The following PTCD3 variants were observed in gnomAD, a reference collection of about 807,000 sequenced individuals.
The protein encoded by PTCD3 is pentatricopeptide repeat domain 3.
Under a neutral mutation model 101.9 loss-of-function variants are expected in PTCD3, and 89 were observed. The ratio of observed to expected loss-of-function variants is 0.87; its 90% CI spans 0.74 to 1.04. The LOEUF (loss-of-function observed/expected upper bound fraction) is 1.04, where lower values mean the gene tolerates loss of function less well. PTCD3 is among the 50% of genes least tolerant of loss of function. The pLI is 0.00. For missense variants in PTCD3, 870 were observed against 828.2 expected, an observed-to-expected ratio of 1.05 and a Z score of -0.62; for synonymous variants, 296 against 278.5, an observed-to-expected ratio of 1.06 and a Z score of -0.63.
intron 14 of PTCD3, among the ~76,000 whole-genome samples, chr2:86,130,096 T>TC (rs1199558684): frequency 6.6e-6 from 1 of 152,104 alleles, no homozygotes; most frequent in Non-Finnish European, 1.5e-5. Flanking sequence ...GGTCAGGAGT[T>TC]CAAGACCAGC....
intron 8 of PTCD3, among the ~76,000 whole-genome samples, chr2:86,123,359 A>G (rs905642641): frequency 6.6e-6 from 1 of 151,818 alleles, no homozygotes; most frequent in East Asian, 1.9e-4. Flanking sequence ...ATGACAGTTT[A>G]TCTGTATGGA....
intron 8 of PTCD3, among the ~76,000 whole-genome samples, chr2:86,123,500 A>G (rs1308542220): frequency 1.3e-5 from 2 of 152,116 alleles, no homozygotes; most frequent in Admixed American, 6.5e-5. Context: ...TTGAGAGTCA[A>G]CTTGGCCTTT....
rs1674582743 is a variant in PTCD3, at chr2:86,136,261, A to C, written c.1779-260A>C. Among the ~76,000 whole-genome samples, 3 of 152,212 alleles carry C rather than the reference A, an allele frequency of 2.0e-5. No homozygotes were observed. The South Asian group carries it at 6.2e-4, about 32-fold the overall frequency. On this transcript the variant is annotated intron_variant, in intron 21 of 23. Transcript: ENST00000254630. Reference sequence around the variant, plus strand: ...TAGGAATATTCAACCTGTACCAGCAAATCTTGACATTGGCAGCATATCAGA... The same window carrying C: ...TAGGAATATTCAACCTGTACCAGCACATCTTGACATTGGCAGCATATCAGA...
chr2:86,134,114 G>C (rs546038606), intron 19 of PTCD3, among the ~76,000 whole-genome samples, 178 bp from the exon 20 acceptor site: 2 of 152,194 alleles, frequency 1.3e-5, no homozygotes, highest in South Asian at 4.1e-4. Flanking sequence ...GCAAGGCCCA[G>C]GCATTGGCTT....
At position 86,121,546 on chromosome 2, in the gene PTCD3, G is replaced by T. The variant is rs780974371; in HGVS notation, c.606G>T (p.Glu202Asp). 6.2e-7 allele frequency: 1 copy of T among 1,611,432 alleles called. No individual in the cohort carries two copies. The highest frequency in any genetic ancestry group is 8.5e-7 in the Non-Finnish European group (1 of 1,178,796). The change falls in exon 8 of 24, where the codon GAG becomes GAT. Residue 202 changes from glutamate (E) to aspartate (D), a missense_variant. Physicochemically the swap from Glu to Asp is conservative, Grantham distance 45. Transcript: ENST00000254630. ...LDLLCYYGDQ[E>D]PSTDYHFQQT... ...TATTGTGTTACTATGGTGACCAGGA[G>T]CCCTCAACTGATTACCATTTTCAAC...
At chr2:86,120,912 C>T (rs1674267988) in intron 7 of PTCD3, among the ~76,000 whole-genome samples, 1 of 152,176 alleles carries the variant, frequency 6.6e-6, no homozygotes, top group East Asian at 1.9e-4. Flanking sequence ...GATACATTTA[C>T]TTTTCTTATA....
In PTCD3 at chr2:86,106,301, G is replaced by C; in HGVS notation, c.54G>C (p.Gln18His). 6.2e-7 allele frequency: 1 copy of C among 1,614,086 alleles called. No homozygotes were observed. The highest frequency in any genetic ancestry group is 1.1e-5 in the South Asian group (1 of 91,066). ...TGGGCCTCCGCAGCAGGCTTGGCCA[G>C]CCGCTGACGGGTCGGCGGGCGGGTT... ...RWLGLRSRLG[Q>H]PLTGRRAGLC... Residue 18 changes from glutamine (Q) to histidine (H), a missense_variant, in exon 1 of 24, where the codon CAG becomes CAC. By Grantham distance (24) the Gln-to-His change is conservative. Transcript: ENST00000254630.
chr2:86,106,405 A>G (rs773801916), intron 1 of PTCD3, 54 bp downstream of exon 1: 93 of 1,548,388 alleles, frequency 6.0e-5, no homozygotes, highest in Admixed American at 1.5e-4. Context: ...CCTTAGTCCT[A>G]TGTTTCCCAG....
intron 13 of PTCD3, 130 bp from the exon 14 acceptor site, chr2:86,127,811 G>T (rs1674423130): frequency 1.3e-6 from 1 of 745,900 alleles, no homozygotes; most frequent in Admixed American, 2.1e-5. Context: ...TTGTTCAAAG[G>T]AATAGAAATG....
In PTCD3 at chr2:86,138,333, G is replaced by A. The variant is rs937228266; in HGVS notation, c.*774G>A. On this transcript the variant is annotated 3_prime_UTR_variant, in exon 24 of 24. Transcript: ENST00000254630. ...TATTGCTGGTAATCAAGTTGGTAAC[G>A]ACTACTTCTAGCAGCTCTTACCACT... 6.6e-6 allele frequency: 1 copy of A among 152,100 alleles called. No homozygotes were observed. Among genetic ancestry groups the A allele is most frequent in the Non-Finnish European group, 1.5e-5 (1 of 68,036 alleles). 9.4% of individuals were successfully genotyped at this position (152,100 alleles called of 1,614,324 possible). A position where few individuals can be genotyped will look rare whatever the true frequency, so the allele number is the denominator to read the frequency against.
chr2:86,106,274 G>A lies in PTCD3; in HGVS notation c.27G>A (p.Trp9Ter), dbSNP rs1468225992. ...TGGCGGTTGTATCTGCTGTTCGCTG[G>A]CTGGGCCTCCGCAGCAGGCTTGGCC... Reference protein sequence around the residue: MAVVSAVRWLGLRSRLGQP... With the variant: MAVVSAVR Residue 9 changes from tryptophan to a stop codon, truncating the protein, a stop_gained, in exon 1 of 24, where the codon TGG becomes TGA. Transcript: ENST00000254630. LOFTEE classifies it high-confidence loss of function. 1.2e-6 allele frequency: 2 copies of A among 1,613,778 alleles called. No individual in the cohort carries two copies. Among genetic ancestry groups the A allele is most frequent in the East Asian group, 2.2e-5 (1 of 44,880 alleles).
At chr2:86,132,452 G>C in intron 17 of PTCD3, 28 bp downstream of exon 17, 2 of 1,493,662 alleles carry the variant, frequency 1.3e-6, no homozygotes, top group South Asian at 1.2e-5. Flanking sequence ...ATATCCTTTT[G>C]CATGAGTTAC....
chr2:86,116,475 T>TA lies in PTCD3; in HGVS notation c.241-54dup, dbSNP rs1674179784. ...TCCCTTGAGTCCAGGAGCTAAAAGT[T>TA]ACAGTGAGCTGTCTTCAAAATAAAT... On this transcript the variant is annotated intron_variant, in intron 4 of 23. Coordinates refer to ENST00000254630, the MANE Select transcript of PTCD3 (RefSeq NM_017952.6). 9.2e-6 allele frequency: 13 copies of TA among 1,413,416 alleles called. No homozygotes were observed. In the South Asian group the frequency reaches 1.4e-4, roughly 15 times the overall value. The allele number at this position is 1,413,416 out of a possible 1,614,324, so 87.6% of individuals were successfully genotyped here.
At chr2:86,133,885 T>G (rs928779164) in intron 19 of PTCD3, among the ~76,000 whole-genome samples, 2 of 152,244 alleles carry the variant, frequency 1.3e-5, no homozygotes, top group Non-Finnish European at 2.9e-5. Flanking sequence ...TGTGTATAAC[T>G]TGGCTGCAAA....
rs1315336390 is a variant in PTCD3, at chr2:86,138,899, T to A, written c.*1340T>A. 1 of 152,220 alleles carries A rather than the reference T, an allele frequency of 6.6e-6. No homozygotes were observed. The highest frequency in any genetic ancestry group is 1.5e-5 in the Non-Finnish European group (1 of 68,048). The allele number at this position is 152,220 out of a possible 1,614,324, so 9.4% of individuals were successfully genotyped here. A position where few individuals can be genotyped will look rare whatever the true frequency, so the allele number is the denominator to read the frequency against. On this transcript the variant is annotated 3_prime_UTR_variant, in exon 24 of 24. Transcript: ENST00000254630. ...GACTCTTGTTAGCCTTACTATTCAA[T>A]ACAGTCCTTAGATTCACGGTATGCC...
intron 4 of PTCD3, among the ~76,000 whole-genome samples, chr2:86,114,241 G>T (rs1484446716): frequency 6.6e-6 from 1 of 152,154 alleles, no homozygotes; most frequent in African/African-American, 2.4e-5. Flanking sequence ...GTAGCACTGA[G>T]AAGGGGTTGT....
chr2:86,117,641 A>G (rs1218036613), intron 6 of PTCD3, among the ~76,000 whole-genome samples: 1 of 151,878 alleles, frequency 6.6e-6, no homozygotes, highest in East Asian at 1.9e-4. Flanking sequence ...GTTTTTGTAG[A>G]GAACAGGGTC....
At chr2:86,118,802 A>C in intron 6 of PTCD3, 119 bp from the exon 7 acceptor site, 1 of 1,135,366 alleles carries the variant, frequency 8.8e-7, no homozygotes, top group Non-Finnish European at 1.3e-6. Flanking sequence ...TGCAGGAAAC[A>C]TGAATTGGAG....
At chr2:86,111,003 G>C in intron 3 of PTCD3, 110 bp from the exon 4 acceptor site, 1 of 992,328 alleles carries the variant, frequency 1.0e-6, no homozygotes, top group Non-Finnish European at 1.6e-6. Flanking sequence ...ACCAGCTTCA[G>C]ATGAGATCTG....
Sources: allele counts gnomAD v4.1 joint callset (sites outside exome capture counted in the v4.1 genomes callset), GRCh38; gene constraint gnomAD v4.1.1; transcripts MANE v1.5; gene names NCBI Gene and HGNC (gene_info 2026-07-23, HGNC 2026-07-21).